Variants in DCLK3 observed in about 807,000 individuals in gnomAD.
DCLK3 encodes serine/threonine-protein kinase DCLK3.
A neutral mutation model predicts 46.4 loss-of-function variants in DCLK3; 30 were observed. The ratio of observed to expected loss-of-function variants is 0.65; its 90% CI spans 0.48 to 0.88. DCLK3 has a LOEUF of 0.88. Among genes scored for constraint, DCLK3 ranks in the 40% least tolerant of loss-of-function variants. The pLI, the probability that DCLK3 is intolerant of heterozygous loss-of-function variation, is 0.00. For missense variants in DCLK3, 846 were observed against 907.1 expected (o/e 0.93, Z 0.87); for synonymous variants, 401 against 339.2 (o/e 1.18, Z -2.00).
At chr3:36,717,952 C>T in intron 4 of DCLK3, 58 bp downstream of exon 4, 1 of 1,606,084 alleles carries the variant, frequency 6.2e-7, no homozygotes, top group East Asian at 2.2e-5. Flanking sequence ...GTCCTCTACA[C>T]ATCTGACCTG....
chr3:36,737,683 T>C lies in DCLK3; in HGVS notation c.1484A>G (p.Lys495Arg). 1.2e-6 allele frequency: 2 copies of C among 1,613,816 alleles called. No individual in the cohort carries two copies. Among genetic ancestry groups the C allele is most frequent in the Non-Finnish European group, 1.7e-6 (2 of 1,179,930 alleles). Residue 495 changes from lysine to arginine, a missense_variant, in exon 2 of 5, where the codon AAG becomes AGG. Lys to Arg is a conservative substitution (Grantham distance 26). Transcript: ENST00000636136. This position sits in a 1 kb window ranked among gnomAD's most constrained non-coding sequence, Gnocchi z 4.4. ...DQPAKLEKEP[K>R]TRPEENKPER... ...TGGCTTGTTCTCTTCTGGCCTCGTC[T>C]TGGGCTCCTTTTCTAGCTTTGCAGG...
chr3:36,716,644 G>A (rs534285917), intron 4 of DCLK3, among the ~76,000 whole-genome samples: 19 of 152,366 alleles, frequency 1.2e-4, no homozygotes, highest in African/African-American at 4.6e-4. Flanking sequence ...ATGGCATAGT[G>A]GGAAGAGGCT....
intron 1 of DCLK3, among the ~76,000 whole-genome samples, chr3:36,758,772 G>A (rs558675601): frequency 6.6e-6 from 1 of 152,270 alleles, no homozygotes; most frequent in South Asian, 2.1e-4. Flanking sequence ...AGGCCAATGA[G>A]AAAATAACAA....
intron 2 of DCLK3, among the ~76,000 whole-genome samples, chr3:36,733,150 G>T (rs1011238784): frequency 5.3e-5 from 8 of 152,156 alleles, no homozygotes; most frequent in Non-Finnish European, 1.2e-4. Context: ...TGACCAAGCT[G>T]AGACCTGTTC....
chr3:36,760,574 T>C (rs1170769055), intron 1 of DCLK3, among the ~76,000 whole-genome samples: 8 of 151,990 alleles, frequency 5.3e-5, no homozygotes, highest in Non-Finnish European at 1.2e-4. Flanking sequence ...CATGTATACA[T>C]ATGTAACTAA....
At position 36,714,870 on chromosome 3, in the gene DCLK3, GAATTTTTGT is replaced by G. The variant is rs367615127; in HGVS notation, c.*449_*457del. 0.73 allele frequency: 114,410 copies of G among 156,042 alleles called. 42,258 individuals are homozygous for G. The highest frequency in any genetic ancestry group is 0.82 in the South Asian group (4,211 of 5,122). The allele number at this position is 156,042 out of a possible 1,614,324, so 9.7% of individuals were successfully genotyped here. Reference sequence around the variant, plus strand: ...TATGCCTGAACTATAATTCATTTTTGAATTTTTGTGCTGTCATCACCAGCACAAAGAAGT... The same window carrying G: ...TATGCCTGAACTATAATTCATTTTTGGCTGTCATCACCAGCACAAAGAAGT... On this transcript the variant is annotated 3_prime_UTR_variant, in exon 5 of 5. Coordinates refer to ENST00000636136, the MANE Select transcript of DCLK3 (RefSeq NM_001394672.2).
chr3:36,755,326 T>C (rs992041822), intron 1 of DCLK3, among the ~76,000 whole-genome samples: 3 of 152,144 alleles, frequency 2.0e-5, no homozygotes, highest in African/African-American at 7.2e-5. Flanking sequence ...ATTACAGAGC[T>C]ACAATTACAA....
intron 3 of DCLK3, among the ~76,000 whole-genome samples, chr3:36,720,228 T>C (rs140421097): frequency 2.0e-5 from 3 of 152,310 alleles, no homozygotes; most frequent in African/African-American, 7.2e-5. Context: ...TCCCACCATG[T>C]AACATGCCGG....
intron 1 of DCLK3, among the ~76,000 whole-genome samples, chr3:36,751,801 A>G (rs1701443661): frequency 6.6e-6 from 1 of 152,208 alleles, no homozygotes; most frequent in Non-Finnish European, 1.5e-5. Context: ...AGTGCCAGGT[A>G]TGTGGTAGGC....
chr3:36,717,761 T>C (rs541716341), intron 4 of DCLK3, among the ~76,000 whole-genome samples: 1 of 152,276 alleles, frequency 6.6e-6, no homozygotes, highest in African/African-American at 2.4e-5. Context: ...TGTTCTGAGG[T>C]TCTTGAATTG....
At chr3:36,741,613 A>C (rs1169170126) in intron 1 of DCLK3, among the ~76,000 whole-genome samples, 2 of 152,222 alleles carry the variant, frequency 1.3e-5, no homozygotes, top group Non-Finnish European at 1.5e-5. Flanking sequence ...ACACCTAATG[A>C]GGTAGAGGCC....
chr3:36,756,935 G>A (rs1701490594), intron 1 of DCLK3, among the ~76,000 whole-genome samples: 1 of 151,336 alleles, frequency 6.6e-6, no homozygotes, highest in African/African-American at 2.4e-5. Flanking sequence ...ACATCTCCCT[G>A]GAGGGCCTCA....
intron 4 of DCLK3, among the ~76,000 whole-genome samples, chr3:36,717,669 T>A (rs73824464): frequency 0.078 from 11,805 of 152,230 alleles, 947 homozygotes; most frequent in African/African-American, 0.21. Context: ...GCATTTTCAG[T>A]CTGTTCCATT....
chr3:36,742,362 G>A (rs1701352266), intron 1 of DCLK3, among the ~76,000 whole-genome samples: 1 of 152,166 alleles, frequency 6.6e-6, no homozygotes, highest in African/African-American at 2.4e-5. Context: ...CTGATCCCTA[G>A]TGGTTAGGAG....
intron 4 of DCLK3, among the ~76,000 whole-genome samples, chr3:36,716,076 A>G (rs1241035810): frequency 6.6e-6 from 1 of 152,228 alleles, no homozygotes; most frequent in Non-Finnish European, 1.5e-5. Context: ...AGAAATCTAA[A>G]AAGTAAATAG....
At chr3:36,759,247 T>G (rs1280903310) in intron 1 of DCLK3, among the ~76,000 whole-genome samples, 1 of 152,200 alleles carries the variant, frequency 6.6e-6, no homozygotes, top group African/African-American at 2.4e-5. Flanking sequence ...TTCTCTGACT[T>G]TTTCTTCCAT....
intron 2 of DCLK3, among the ~76,000 whole-genome samples, chr3:36,735,724 A>G (rs1444549620): frequency 6.6e-6 from 1 of 152,214 alleles, no homozygotes; most frequent in Non-Finnish European, 1.5e-5. Context: ...ATGCTTACTC[A>G]TGATACTCAC....
intron 2 of DCLK3, among the ~76,000 whole-genome samples, chr3:36,734,623 A>G (rs1701238162): frequency 6.6e-6 from 1 of 152,184 alleles, no homozygotes; most frequent in African/African-American, 2.4e-5. Context: ...TCTACATATC[A>G]ATTGGGATCA....
At chr3:36,758,078 T>C (rs950052021) in intron 1 of DCLK3, among the ~76,000 whole-genome samples, 2 of 152,164 alleles carry the variant, frequency 1.3e-5, no homozygotes, top group African/African-American at 4.8e-5. Context: ...CTCTGAACCA[T>C]AAAGCTGGTC....
Sources: allele counts gnomAD v4.1 joint callset (sites outside exome capture counted in the v4.1 genomes callset), GRCh38; gene constraint gnomAD v4.1.1; non-coding constraint Gnocchi (gnomAD v3.1); transcripts MANE v1.5; gene names NCBI Gene and HGNC (gene_info 2026-07-23, HGNC 2026-07-21).